Variants in HYCC2 observed in about 807,000 individuals in gnomAD.
The protein encoded by HYCC2 is hyccin PI4KA lipid kinase complex subunit 2.
the HYCC2 span, among the ~76,000 whole-genome samples, chr2:201,040,612 G>A: frequency 6.6e-6 from 1 of 151,886 alleles, no homozygotes; most frequent in Non-Finnish European, 1.5e-5. Flanking sequence ...CAGCCTCCGA[G>A]TAGCTGGGAT....
the HYCC2 span, chr2:201,011,539 C>T: frequency 1.1e-5 from 10 of 900,670 alleles, no homozygotes; most frequent in South Asian, 2.0e-4. Context: ...TAATTACTTT[C>T]TTAATTTACA....
chr2:200,982,228 TG>T, the HYCC2 span, among the ~76,000 whole-genome samples: 3 of 145,598 alleles, frequency 2.1e-5, no homozygotes, highest in South Asian at 6.4e-4. Flanking sequence ...ATCTACCTAC[TG>T]GAAAAAAAAA....
the HYCC2 span, among the ~76,000 whole-genome samples, chr2:201,003,388 G>A: frequency 6.6e-6 from 1 of 152,144 alleles, no homozygotes; most frequent in Non-Finnish European, 1.5e-5. Flanking sequence ...GGAAGCTGAG[G>A]CAGGAGAATA....
chr2:201,070,035 C>A, the HYCC2 span, among the ~76,000 whole-genome samples: 2 of 152,126 alleles, frequency 1.3e-5, no homozygotes, highest in East Asian at 1.9e-4. Context: ...ATTTCAAACA[C>A]CTTACATTTT....
At chr2:200,981,979 A>G in the HYCC2 span, 1 of 1,223,014 alleles carries the variant, frequency 8.2e-7, no homozygotes, top group Non-Finnish European at 1.1e-6. This position sits in a 1 kb window ranked among gnomAD's most constrained non-coding sequence, Gnocchi z 4.5. Context: ...ATAGGTTGTC[A>G]ATGGCCCTAC....
the HYCC2 span, among the ~76,000 whole-genome samples, chr2:201,034,960 C>A: frequency 6.6e-6 from 1 of 152,322 alleles, no homozygotes; most frequent in East Asian, 1.9e-4. Flanking sequence ...AGAGTTTCTG[C>A]TGAGAGATCC....
At chr2:201,003,229 T>A in the HYCC2 span, among the ~76,000 whole-genome samples, 1 of 152,112 alleles carries the variant, frequency 6.6e-6, no homozygotes. Context: ...CACTCAGCTA[T>A]TTTTTAAGAG....
chr2:201,062,056 G>A, the HYCC2 span, among the ~76,000 whole-genome samples: 1 of 152,096 alleles, frequency 6.6e-6, no homozygotes, highest in African/African-American at 2.4e-5. Flanking sequence ...AGTGAACCAC[G>A]ATCACACAAC....
At chr2:201,020,612 A>G in the HYCC2 span, among the ~76,000 whole-genome samples, 7 of 152,230 alleles carry the variant, frequency 4.6e-5, no homozygotes, top group African/African-American at 1.7e-4. Context: ...TTGCAGGACC[A>G]GAGTCCTTAA....
the HYCC2 span, chr2:200,981,336 T>C: frequency 6.2e-7 from 1 of 1,614,078 alleles, no homozygotes; most frequent in Non-Finnish European, 8.5e-7. This position sits in a 1 kb window ranked among gnomAD's most constrained non-coding sequence, Gnocchi z 4.5. Context: ...AGGGGGCTCC[T>C]GGGCTGAGGA....
chr2:201,062,427 TCA>T, the HYCC2 span, among the ~76,000 whole-genome samples: 1 of 152,192 alleles, frequency 6.6e-6, no homozygotes, highest in East Asian at 1.9e-4. Context: ...GGCAGGCAGA[TCA>T]CAAGGTCAGG....
chr2:200,999,711 G>C, the HYCC2 span, among the ~76,000 whole-genome samples: 1 of 149,438 alleles, frequency 6.7e-6, no homozygotes, highest in African/African-American at 2.5e-5. Flanking sequence ...TCTTAAACAT[G>C]AGGGAAAAAA....
chr2:201,062,295 G>A, the HYCC2 span, among the ~76,000 whole-genome samples: 1 of 151,976 alleles, frequency 6.6e-6, no homozygotes, highest in Non-Finnish European at 1.5e-5. Context: ...GAAAAGGGTG[G>A]ATCACTTGAG....
At chr2:201,037,667 G>T in the HYCC2 span, among the ~76,000 whole-genome samples, 4 of 152,206 alleles carry the variant, frequency 2.6e-5, no homozygotes, top group East Asian at 5.8e-4. Context: ...AATAAATGGT[G>T]CTGGGAAAAC....
chr2:201,060,035 ACT>A, the HYCC2 span, among the ~76,000 whole-genome samples: 2 of 111,170 alleles, frequency 1.8e-5, no homozygotes, highest in African/African-American at 6.8e-5. Flanking sequence ...CAACAGCAAA[ACT>A]CTGTCTAAAA....
chr2:201,063,629 C>T, the HYCC2 span: 6 of 1,579,084 alleles, frequency 3.8e-6, no homozygotes, highest in Non-Finnish European at 1.7e-6. Context: ...TAGAAAAGCC[C>T]TGTCAAAGCA....
chr2:201,069,809 G>A, the HYCC2 span, among the ~76,000 whole-genome samples: 4 of 151,936 alleles, frequency 2.6e-5, no homozygotes, highest in South Asian at 4.2e-4. Flanking sequence ...GAACATCTGG[G>A]AACAAACAAC....
At chr2:200,989,334 C>A in the HYCC2 span, among the ~76,000 whole-genome samples, 1 of 152,086 alleles carries the variant, frequency 6.6e-6, no homozygotes, top group Admixed American at 6.6e-5. Context: ...TAAAGAGATT[C>A]ATAAGTTCAA....
chr2:200,999,845 G>A, the HYCC2 span, among the ~76,000 whole-genome samples: 1 of 149,616 alleles, frequency 6.7e-6, no homozygotes, highest in Non-Finnish European at 1.5e-5. Flanking sequence ...GGATCATACA[G>A]TCAGGAGTTC....
Sources: gnomAD v4.1 joint callset for allele counts (sites outside exome capture counted in the v4.1 genomes callset) on GRCh38, gnomAD v4.1.1 for gene constraint, Gnocchi (gnomAD v3.1) non-coding constraint, MANE v1.5 for transcripts, NCBI Gene and HGNC (gene_info 2026-07-23, HGNC 2026-07-21) for gene names.